Variants in TBCE observed in about 807,000 individuals in gnomAD.
TBCE encodes the protein tubulin folding cofactor E.
Under a neutral mutation model 77.0 loss-of-function variants are expected in TBCE, and 53 were observed. The ratio of observed to expected loss-of-function variants is 0.69; its 90% CI spans 0.55 to 0.87. The LOEUF is 0.87. Ranked by LOEUF, TBCE falls within the 40% of genes least tolerant of loss-of-function variation. TBCE has a pLI of 0.00. For synonymous variants in TBCE, 235 were observed against 241.3 expected (o/e 0.97, Z 0.24); for missense variants, 624 against 622.4 (o/e 1.00, Z -0.03).
In TBCE at chr1:235,449,482, C is replaced by G. The variant is rs1413723545; in HGVS notation, c.*720C>G. ...AGAGGTATTTGCTTTTATTCATACT[C>G]ACACAACTTTAGCATTTAAAAACTA... On this transcript the variant is annotated 3_prime_UTR_variant, in exon 17 of 17. Transcript: ENST00000642610. 6.5e-6 allele frequency: 1 copy of G among 152,836 alleles called. No individual in the cohort carries two copies. The highest frequency in any genetic ancestry group is 1.5e-5 in the Non-Finnish European group (1 of 68,546). 9.5% of individuals were successfully genotyped at this position (152,836 alleles called of 1,614,324 possible).
intron 1 of TBCE, among the ~76,000 whole-genome samples, chr1:235,371,236 A>T (rs999201158): frequency 6.7e-6 from 1 of 149,392 alleles, no homozygotes; most frequent in African/African-American, 2.5e-5. Flanking sequence ...TTGTATTTTT[A>T]GTAGAGATGG....
chr1:235,424,884 G>A (rs1357681878), intron 5 of TBCE, among the ~76,000 whole-genome samples: 2 of 152,086 alleles, frequency 1.3e-5, no homozygotes, highest in East Asian at 1.9e-4. Flanking sequence ...CAGGTGATCC[G>A]CCCACTTTGG....
chr1:235,449,874 T>TTA lies in TBCE; in HGVS notation c.*1113_*1114dup, dbSNP rs1682788652. On this transcript the variant is annotated 3_prime_UTR_variant, in exon 17 of 17. Transcript: ENST00000642610. ...ACAGATTTCTGAACTAGGCCAAGTT[T>TTA]TAACCAAAAACTATAGGTAATGGTG... 3 of 201,572 alleles carry TTA rather than the reference T, an allele frequency of 1.5e-5. No homozygotes were observed. The highest frequency in any genetic ancestry group is 3.1e-5 in the Non-Finnish European group (3 of 97,346). 12.5% of individuals were successfully genotyped at this position (201,572 alleles called of 1,614,324 possible). A position where few individuals can be genotyped will look rare whatever the true frequency, so the allele number is the denominator to read the frequency against.
chr1:235,418,590 T>C (rs1680228532), intron 4 of TBCE: 1 of 152,264 alleles, frequency 6.6e-6, no homozygotes, highest in South Asian at 2.1e-4. Flanking sequence ...AAGCACTCCA[T>C]AGCATGTACT....
At chr1:235,448,191 C>G (rs1258479851) in intron 15 of TBCE, among the ~76,000 whole-genome samples, 158 bp from the exon 16 acceptor site, 2 of 129,728 alleles carry the variant, frequency 1.5e-5, no homozygotes, top group African/African-American at 6.2e-5. Flanking sequence ...CAGAGCAAGA[C>G]TTACTTAAGT....
Position 235,373,841 on chromosome 1 carries a change from G to T in TBCE, c.-31-6178G>T, listed in dbSNP as rs1440729326. Among the ~76,000 whole-genome samples the T allele has an allele frequency of 2.1e-5, 3 of 145,014 alleles. 1 individual carries two copies. The highest frequency in any genetic ancestry group is 8.0e-5 in the African/African-American group (3 of 37,534). On this transcript the variant is annotated intron_variant, in intron 1 of 16. Coordinates refer to ENST00000642610, the MANE Select transcript of TBCE (RefSeq NM_003193.5). ...TTTTTTTGTATTTTTAGTAGAGACG[G>T]TGTTTCACCGTGTTAGCCAGGATGG...
intron 7 of TBCE, chr1:235,433,205 T>C (rs2102918295): frequency 7.8e-7 from 1 of 1,289,794 alleles, no homozygotes. Context: ...TAATTGGCCA[T>C]GGCCAAGGGC....
chr1:235,447,622 T>G (rs1158426562), intron 15 of TBCE, among the ~76,000 whole-genome samples: 1 of 152,168 alleles, frequency 6.6e-6, no homozygotes, highest in Non-Finnish European at 1.5e-5. Flanking sequence ...AGTTGAGAGA[T>G]GTCCTCAGGA....
rs538316175 is a variant in TBCE at position 235,396,471 on chromosome 1, C to T, written c.101-5032C>T. On this transcript the variant is annotated intron_variant, in intron 2 of 16. Coordinates refer to ENST00000642610, the MANE Select transcript of TBCE (RefSeq NM_003193.5). Reference sequence around the variant, plus strand: ...AAACATAGGAGTGCAGATGTCTCTTCTATATACTGGTTTTCTTTCTTTTTG... The same window carrying T: ...AAACATAGGAGTGCAGATGTCTCTTTTATATACTGGTTTTCTTTCTTTTTG... Among the ~76,000 whole-genome samples, 3 of 152,316 alleles carry T rather than the reference C, an allele frequency of 2.0e-5. No homozygotes were observed. In the South Asian group the frequency reaches 6.2e-4, roughly 32 times the overall value.
intron 6 of TBCE, 64 bp downstream of exon 6, chr1:235,427,303 A>G: frequency 7.9e-7 from 1 of 1,257,912 alleles, no homozygotes; most frequent in Non-Finnish European, 1.2e-6. Flanking sequence ...GCTTCCTCAC[A>G]GCATCTCTGT....
At chr1:235,432,486 A>G (rs544303367) in intron 7 of TBCE, among the ~76,000 whole-genome samples, 13 of 151,682 alleles carry the variant, frequency 8.6e-5, no homozygotes, top group African/African-American at 3.1e-4. Context: ...CTGGAAGACA[A>G]GAAGGGGCCA....
Position 235,430,712 on chromosome 1 carries a change from A to G in TBCE, c.568A>G (p.Lys190Glu), listed in dbSNP as rs749879886. The part of the protein sequence containing the change: ...HLEVLNVSEN[K>E]LKFPSGSVLT... ...TCTTTTTTTTCTACACAGTGAAAAT[A>G]AACTAAAATTTCCCTCCGGTTCAGT... Residue 190 changes from lysine to glutamate, a missense_variant, in exon 7 of 17, where the codon AAA becomes GAA. By Grantham distance (56) the Lys-to-Glu change is moderately conservative. Transcript: ENST00000642610. 1.9e-6 allele frequency: 3 copies of G among 1,612,214 alleles called. No individual in the cohort carries two copies. Among genetic ancestry groups the G allele is most frequent in the Non-Finnish European group, 2.5e-6 (3 of 1,178,778 alleles).
At chr1:235,371,742 G>A (rs762003644) in intron 1 of TBCE, among the ~76,000 whole-genome samples, 2 of 151,888 alleles carry the variant, frequency 1.3e-5, no homozygotes, top group African/African-American at 2.4e-5. Context: ...GCACGATCTC[G>A]GCTCACTACA....
At chr1:235,372,780 C>G (rs549398701) in intron 1 of TBCE, among the ~76,000 whole-genome samples, 1 of 151,648 alleles carries the variant, frequency 6.6e-6, no homozygotes, top group East Asian at 1.9e-4. Flanking sequence ...AAAAATTAGC[C>G]GGGCGTGGTG....
In TBCE at chr1:235,402,656, A is replaced by T. The variant is rs184473825; in HGVS notation, c.185+1069A>T. Among the ~76,000 whole-genome samples, 35 of 151,944 alleles carry T rather than the reference A, an allele frequency of 2.3e-4. 1 individual carries two copies. The East Asian group carries it at 6.6e-3, about 29-fold the overall frequency. ...GGTTTATTTGTTTATTTTTTGAGAC[A>T]TTGTCTCGCCTAGACTGGAATGCAG... is the stretch of plus-strand genomic sequence containing the variant. On this transcript the variant is annotated intron_variant, in intron 3 of 16. Transcript: ENST00000642610.
intron 5 of TBCE, among the ~76,000 whole-genome samples, chr1:235,424,861 G>A (rs1252174944): frequency 6.6e-6 from 1 of 152,088 alleles, no homozygotes; most frequent in Non-Finnish European, 1.5e-5. Context: ...GGCTGGTCTC[G>A]AACTCCTGAC....
chr1:235,397,164 G>A (rs1678782186), intron 2 of TBCE, among the ~76,000 whole-genome samples: 1 of 150,462 alleles, frequency 6.6e-6, no homozygotes, highest in African/African-American at 2.4e-5. Flanking sequence ...TAGTAGAGAC[G>A]GGGTTTCACC....
At chr1:235,444,165 T>C (rs1682086231) in intron 15 of TBCE, among the ~76,000 whole-genome samples, 1 of 152,218 alleles carries the variant, frequency 6.6e-6, no homozygotes, top group Admixed American at 6.5e-5. Context: ...AAGGCCTTAG[T>C]TGTGTTCAAA....
chr1:235,448,845 T>A lies in TBCE; in HGVS notation c.*83T>A. On this transcript the variant is annotated 3_prime_UTR_variant, in exon 17 of 17. Transcript: ENST00000642610. ...AATAAATGATTCACTGGAACAATTC[T>A]ACTGTCAAAACAAAGGGGGTTTACA... 1 of 1,056,262 alleles carries A rather than the reference T, an allele frequency of 9.5e-7. No individual in the cohort carries two copies. The highest frequency in any genetic ancestry group is 1.5e-6 in the Non-Finnish European group (1 of 688,822). The allele number at this position is 1,056,262 out of a possible 1,614,324, so 65.4% of individuals were successfully genotyped here. A position where few individuals can be genotyped will look rare whatever the true frequency, so the allele number is the denominator to read the frequency against.
Sources: gnomAD v4.1 joint callset for allele counts (sites outside exome capture counted in the v4.1 genomes callset) on GRCh38, gnomAD v4.1.1 for gene constraint, MANE v1.5 for transcripts, NCBI Gene and HGNC (gene_info 2026-07-23, HGNC 2026-07-21) for gene names.